Variants in RFX3 observed in about 807,000 individuals in gnomAD.
RFX3 encodes the protein regulatory factor X3.
Under a neutral mutation model 98.6 loss-of-function variants are expected in RFX3, and 14 were observed. The ratio of observed to expected loss-of-function variants is 0.14; its 90% CI spans 0.09 to 0.22. The LOEUF is 0.22. RFX3 is among the 10% of genes least tolerant of loss of function. The pLI is 1.00. For synonymous variants in RFX3, 383 were observed against 328.4 expected (o/e 1.17, Z -1.80); for missense variants, 639 against 926.9 (o/e 0.69, Z 4.03).
chr9:3,384,213 A>AC (rs5896010), intron 2 of RFX3, among the ~76,000 whole-genome samples: 1 of 152,118 alleles, frequency 6.6e-6, no homozygotes, highest in South Asian at 2.1e-4. Context: ...AGAATACCTC[A>AC]TGTTTGCATT....
At chr9:3,331,671 C>T (rs1235102044) in intron 3 of RFX3, among the ~76,000 whole-genome samples, 1 of 152,064 alleles carries the variant, frequency 6.6e-6, no homozygotes, top group Non-Finnish European at 1.5e-5. Context: ...TCTCAAGAGC[C>T]TTTTGGAATC....
At chr9:3,315,951 GA>G (rs1158332333) in intron 4 of RFX3, among the ~76,000 whole-genome samples, 1 of 152,188 alleles carries the variant, frequency 6.6e-6, no homozygotes, top group Non-Finnish European at 1.5e-5. Flanking sequence ...GAGGTACAAA[GA>G]GGAGCTGGTA....
intron 1 of RFX3, among the ~76,000 whole-genome samples, chr9:3,458,506 A>C (rs958233003): frequency 6.6e-6 from 1 of 152,240 alleles, no homozygotes; most frequent in East Asian, 1.9e-4. Flanking sequence ...TTACCTATGG[A>C]GTAGAAGAGT....
intron 1 of RFX3, among the ~76,000 whole-genome samples, chr9:3,404,215 T>C (rs866363221): frequency 6.6e-6 from 1 of 152,202 alleles, no homozygotes; most frequent in South Asian, 2.1e-4. Flanking sequence ...TATATATTCA[T>C]ATACACATAA....
chr9:3,252,124 C>T (rs544934382), intron 14 of RFX3, among the ~76,000 whole-genome samples: 1 of 151,936 alleles, frequency 6.6e-6, no homozygotes, highest in Non-Finnish European at 1.5e-5. Flanking sequence ...ATATAATAAC[C>T]CTGAAATCAT....
In RFX3 at chr9:3,336,543, A is replaced by G. The variant is rs114542108; in HGVS notation, c.216-6026T>C. On this transcript the variant is annotated intron_variant, in intron 3 of 16. Transcript: ENST00000617270. ...ATGAAAAGGAGTCAGCCCTATGGAA[A>G]ACAAGAAGAATAAAATTTTAGGAAG... Among the ~76,000 whole-genome samples the G allele has an allele frequency of 7.6e-3, 1,164 of 152,288 alleles. 9 individuals are homozygous for G. Among genetic ancestry groups the G allele is most frequent in the African/African-American group, 0.026 (1,101 of 41,582 alleles).
rs187520792 is a variant in RFX3 at position 3,497,869 on chromosome 9, T to C, written c.-9+27878A>G. On this transcript the variant is annotated intron_variant, in intron 1 of 16. Transcript: ENST00000617270. ...GCAGTGCCATTTTAATAAGGAAGTC[T>C]TTTAATGAAATATAATAGGTCACAA... Among the ~76,000 whole-genome samples, 33 of 152,146 alleles carry C rather than the reference T, an allele frequency of 2.2e-4. No individual in the cohort carries two copies. The Middle Eastern group carries it at 0.017, about 78-fold the overall frequency.
At chr9:3,233,337 C>A (rs924074965) in intron 15 of RFX3, among the ~76,000 whole-genome samples, 3 of 152,192 alleles carry the variant, frequency 2.0e-5, no homozygotes, top group African/African-American at 7.2e-5. Context: ...GTATCTATAC[C>A]TGAGCATACT....
intron 15 of RFX3, among the ~76,000 whole-genome samples, chr9:3,229,837 T>A (rs1455364796): frequency 1.3e-5 from 2 of 152,194 alleles, no homozygotes; most frequent in African/African-American, 2.4e-5. Flanking sequence ...ATAGGAGTAT[T>A]TTTTTCATCT....
chr9:3,230,741 G>T (rs1368803622), intron 15 of RFX3, among the ~76,000 whole-genome samples: 1 of 152,188 alleles, frequency 6.6e-6, no homozygotes, highest in Non-Finnish European at 1.5e-5. Context: ...AGTTGGTAGT[G>T]ATGATTCTAA....
intron 1 of RFX3, among the ~76,000 whole-genome samples, chr9:3,424,819 G>C (rs750741485): frequency 6.6e-6 from 1 of 151,950 alleles, no homozygotes; most frequent in Non-Finnish European, 1.5e-5. Flanking sequence ...CATATAGATC[G>C]AATTCACATC....
At chr9:3,449,569 C>T (rs933873635) in intron 1 of RFX3, among the ~76,000 whole-genome samples, 12 of 152,132 alleles carry the variant, frequency 7.9e-5, no homozygotes, top group African/African-American at 9.7e-5. Flanking sequence ...AACTAACATA[C>T]GGAAAATTGG....
intron 1 of RFX3, among the ~76,000 whole-genome samples, chr9:3,458,169 C>T (rs1346812963): frequency 6.6e-6 from 1 of 151,930 alleles, no homozygotes; most frequent in African/African-American, 2.4e-5. Context: ...AAGTGTAATT[C>T]CAAGAGATAA....
intron 1 of RFX3, among the ~76,000 whole-genome samples, chr9:3,502,512 A>G (rs1325712494): frequency 1.3e-5 from 2 of 152,206 alleles, no homozygotes; most frequent in Admixed American, 1.3e-4. Flanking sequence ...CAAAAACATA[A>G]AAGCCATCTT....
At chr9:3,267,253 A>G (rs1232089180) in intron 11 of RFX3, among the ~76,000 whole-genome samples, 1 of 151,960 alleles carries the variant, frequency 6.6e-6, no homozygotes, top group Non-Finnish European at 1.5e-5. Context: ...TGCCTGAAGC[A>G]CCCACAACAT....
chr9:3,298,219 T>C (rs1013091892), intron 5 of RFX3, among the ~76,000 whole-genome samples: 1 of 151,786 alleles, frequency 6.6e-6, no homozygotes, highest in Non-Finnish European at 1.5e-5. Context: ...GATGAGATTG[T>C]TTAGAGGAAA....
intron 1 of RFX3, among the ~76,000 whole-genome samples, chr9:3,490,740 G>C (rs1850662611): frequency 6.6e-6 from 1 of 152,106 alleles, no homozygotes; most frequent in Admixed American, 6.5e-5. Flanking sequence ...CTAATTTCTT[G>C]TAGAGAAGCA....
intron 15 of RFX3, among the ~76,000 whole-genome samples, chr9:3,230,873 A>T (rs1472242824): frequency 6.6e-6 from 1 of 152,220 alleles, no homozygotes; most frequent in African/African-American, 2.4e-5. Context: ...AGTGTCTAAA[A>T]CCAAACTCTG....
intron 1 of RFX3, among the ~76,000 whole-genome samples, chr9:3,403,946 A>C (rs1470597883): frequency 2.0e-5 from 3 of 152,182 alleles, no homozygotes; most frequent in African/African-American, 7.2e-5. Context: ...TGCCTACACA[A>C]GAATTTTTTT....
Sources: gnomAD v4.1 joint callset for allele counts (sites outside exome capture counted in the v4.1 genomes callset) on GRCh38, gnomAD v4.1.1 for gene constraint, MANE v1.5 for transcripts, NCBI Gene and HGNC (gene_info 2026-07-23, HGNC 2026-07-21) for gene names.